The following BRINP2 variants were observed in gnomAD, a reference collection of about 807,000 sequenced individuals.
The protein encoded by BRINP2 is BMP/retinoic acid-inducible neural-specific protein 2.
Under a neutral mutation model 69.2 loss-of-function variants are expected in BRINP2, and 21 were observed. The ratio of observed to expected loss-of-function variants is 0.30; its 90% CI spans 0.22 to 0.44. The LOEUF is 0.44. Ranked by LOEUF, BRINP2 falls within the 20% of genes least tolerant of loss-of-function variation. The pLI is 1.00. For synonymous variants in BRINP2, 380 were observed against 394.1 expected (o/e 0.96, Z 0.42); for missense variants, 877 against 986.0 (o/e 0.89, Z 1.48).
chr1:177,261,676 A>G (rs1473050452), intron 4 of BRINP2, among the ~76,000 whole-genome samples: 1 of 152,208 alleles, frequency 6.6e-6, no homozygotes, highest in Non-Finnish European at 1.5e-5. Flanking sequence ...TTGGTGTGCA[A>G]ATATATACAC....
rs753254672 is a variant in BRINP2, at chr1:177,257,277, G to A, written c.562G>A (p.Ala188Thr). Reference protein sequence around the residue: ...SIIGGSGNSTAVSLETLHQLA... With the variant: ...SIIGGSGNSTTVSLETLHQLA... ...AATCGGGGGCAGTGGGAACAGCACA[G>A]CTGTGTCCCTGGAGACCCTGCACCA... Residue 188 changes from alanine to threonine, a missense_variant, in exon 4 of 8, where the codon GCT (alanine) becomes ACT (threonine). Around this residue, in one of 3 missense-constraint regions of BRINP2, gnomAD observed 566 missense variants for 625.2 expected, o/e 0.91. Transcript: ENST00000361539. 1 of 1,614,114 alleles carries A rather than the reference G, an allele frequency of 6.2e-7. No individual in the cohort carries two copies.
intron 4 of BRINP2, among the ~76,000 whole-genome samples, chr1:177,259,329 G>C (rs1018111809): frequency 6.6e-6 from 1 of 152,134 alleles, no homozygotes; most frequent in African/African-American, 2.4e-5. Flanking sequence ...ACAGAAAAAT[G>C]TTTGAAGCTA....
intron 6 of BRINP2, 116 bp downstream of exon 6, chr1:177,276,550 A>G: frequency 1.1e-6 from 1 of 918,144 alleles, no homozygotes; most frequent in Non-Finnish European, 1.7e-6. Flanking sequence ...TGACATGACC[A>G]CTTAATTGTG....
At chr1:177,278,457 T>C (rs964278134) in intron 6 of BRINP2, 106 bp from the exon 7 acceptor site, 5 of 1,020,930 alleles carry the variant, frequency 4.9e-6, no homozygotes, top group Non-Finnish European at 7.6e-6. Flanking sequence ...GCCTCCTTTC[T>C]CATGCAGTAA....
At chr1:177,269,984 C>G (rs1456650096) in intron 4 of BRINP2, among the ~76,000 whole-genome samples, 11 of 150,948 alleles carry the variant, frequency 7.3e-5, no homozygotes, top group Non-Finnish European at 1.5e-4. Context: ...TCTTTATAAT[C>G]TGCCAAAGCT....
At chr1:177,212,557 A>T (rs1649255536) in intron 1 of BRINP2, among the ~76,000 whole-genome samples, 1 of 152,114 alleles carries the variant, frequency 6.6e-6, no homozygotes, top group Non-Finnish European at 1.5e-5. Flanking sequence ...AAAAAAAAAA[A>T]AATTTATTGG....
In BRINP2 at chr1:177,200,742, T is replaced by C. The variant is rs144466753; in HGVS notation, c.-77+29010T>C. Reference sequence around the variant, plus strand: ...CTGGCATTTATGATCACTTAATACTTTGTGTATGTATTTATTTGTATGTTT... The same window carrying C: ...CTGGCATTTATGATCACTTAATACTCTGTGTATGTATTTATTTGTATGTTT... On this transcript the variant is annotated intron_variant, in intron 1 of 7. Coordinates refer to ENST00000361539, the MANE Select transcript of BRINP2 (RefSeq NM_021165.4). 5.1e-3 allele frequency among the ~76,000 whole-genome samples: 770 copies of C among 152,290 alleles called. 9 individuals carry two copies. The highest frequency in any genetic ancestry group is 0.018 in the African/African-American group (738 of 41,554).
chr1:177,190,837 T>C (rs1648573991), intron 1 of BRINP2, among the ~76,000 whole-genome samples: 1 of 152,192 alleles, frequency 6.6e-6, no homozygotes, highest in Admixed American at 6.5e-5. Context: ...TCTAAGCCTC[T>C]TCATTTAGAA....
At chr1:177,184,066 C>T (rs962252288) in intron 1 of BRINP2, among the ~76,000 whole-genome samples, 1 of 152,072 alleles carries the variant, frequency 6.6e-6, no homozygotes, top group Admixed American at 6.5e-5. Flanking sequence ...CCTTATAGGC[C>T]GATGGTATGC....
intron 1 of BRINP2, among the ~76,000 whole-genome samples, chr1:177,201,525 T>A (rs1004502971): frequency 3.9e-5 from 6 of 152,252 alleles, no homozygotes; most frequent in African/African-American, 1.2e-4. Flanking sequence ...TTAGATATAG[T>A]TAGTTAACAC....
At chr1:177,263,414 C>T (rs961101597) in intron 4 of BRINP2, among the ~76,000 whole-genome samples, 3 of 152,100 alleles carry the variant, frequency 2.0e-5, no homozygotes, top group African/African-American at 7.2e-5. Flanking sequence ...AGCCAGAGAT[C>T]ATTAGAGAGG....
chr1:177,280,933 T>C lies in BRINP2; in HGVS notation c.1757T>C (p.Met586Thr), dbSNP rs748351328. Residue 586 changes from methionine (M) to threonine (T), a missense_variant, in exon 8 of 8, where the codon ATG (methionine) becomes ACG (threonine). By Grantham distance (81) the Met-to-Thr change is moderately conservative. This residue lies in a region of BRINP2 where 86 missense variants were observed against 142.1 expected (regional missense o/e 0.61). Transcript: ENST00000361539. Reference sequence around the variant, plus strand: ...AAGAACAGCACCCTGGAGCCTGTCATGGCCATCTACGTCAACCCCTTTGGG... The same window carrying C: ...AAGAACAGCACCCTGGAGCCTGTCACGGCCATCTACGTCAACCCCTTTGGG... ...LTKNSTLEPV[M>T]AIYVNPFGGS... 5 of 1,614,058 alleles carry C rather than the reference T, an allele frequency of 3.1e-6. No individual in the cohort carries two copies. Among genetic ancestry groups the C allele is most frequent in the Non-Finnish European group, 4.2e-6 (5 of 1,180,030 alleles).
intron 1 of BRINP2, among the ~76,000 whole-genome samples, chr1:177,186,324 A>C (rs1041231085): frequency 1.3e-5 from 2 of 152,164 alleles, no homozygotes; most frequent in African/African-American, 4.8e-5. Flanking sequence ...CCTAATCATA[A>C]TACAAAAAAG....
chr1:177,227,839 T>C (rs1649744208), intron 1 of BRINP2, among the ~76,000 whole-genome samples: 2 of 152,238 alleles, frequency 1.3e-5, no homozygotes, highest in African/African-American at 4.8e-5. Context: ...TTCTATTGCA[T>C]TGATCTGCTG....
intron 2 of BRINP2, among the ~76,000 whole-genome samples, chr1:177,236,206 A>G (rs1650017809): frequency 6.6e-6 from 1 of 152,206 alleles, no homozygotes; most frequent in African/African-American, 2.4e-5. Flanking sequence ...TAACCTAAAT[A>G]GCAGACGCAG....
intron 1 of BRINP2, among the ~76,000 whole-genome samples, chr1:177,189,420 G>A (rs1309848600): frequency 6.6e-6 from 1 of 152,086 alleles, no homozygotes; most frequent in Non-Finnish European, 1.5e-5. Context: ...CCTGTCCACA[G>A]TGAATGTTGT....
intron 1 of BRINP2, among the ~76,000 whole-genome samples, chr1:177,182,634 A>G (rs751773791): frequency 2.6e-5 from 4 of 152,172 alleles, no homozygotes; most frequent in Admixed American, 6.5e-5. Flanking sequence ...CCGCAATATC[A>G]TGTCTTTAGA....
intron 7 of BRINP2, 79 bp downstream of exon 7, chr1:177,278,864 C>T: frequency 7.2e-7 from 1 of 1,391,602 alleles, no homozygotes; most frequent in Non-Finnish European, 1.0e-6. Context: ...ACCCTCTGTC[C>T]AATGTAGGGG....
intron 1 of BRINP2, among the ~76,000 whole-genome samples, chr1:177,194,314 C>G (rs1202652055): frequency 6.6e-6 from 1 of 152,152 alleles, no homozygotes; most frequent in Non-Finnish European, 1.5e-5. Flanking sequence ...GAATCTTAGT[C>G]CTGGTTCCTT....
Sources: gnomAD v4.1 joint callset for allele counts (sites outside exome capture counted in the v4.1 genomes callset) on GRCh38, gnomAD v4.1.1 for gene constraint, gnomAD v4.1.1 regional missense constraint, MANE v1.5 for transcripts, NCBI Gene and HGNC (gene_info 2026-07-23, HGNC 2026-07-21) for gene names.